Variants in PDS5B observed in about 807,000 individuals in gnomAD.
PDS5B encodes the protein sister chromatid cohesion protein PDS5 homolog B.
In PDS5B, 51 loss-of-function variants were observed where a neutral mutation model predicts 184.1. The observed-to-expected ratio is 0.28, with a 90% CI of 0.22 to 0.35. The LOEUF (loss-of-function observed/expected upper bound fraction) is 0.35, where lower values mean the gene tolerates loss of function less well. PDS5B is among the 10% of genes least tolerant of loss of function. The pLI, the probability that PDS5B is intolerant of heterozygous loss-of-function variation, is 1.00. For synonymous variants in PDS5B, 566 were observed against 569.2 expected, an observed-to-expected ratio of 0.99 and a Z score of 0.08; for missense variants, 1,180 against 1,723.3, an observed-to-expected ratio of 0.68 and a Z score of 5.58.
chr13:32,715,234 A>G (rs1243453831), intron 19 of PDS5B, among the ~76,000 whole-genome samples: 1 of 152,212 alleles, frequency 6.6e-6, no homozygotes, highest in Admixed American at 6.5e-5. Flanking sequence ...CAGTATAACT[A>G]AAGAATTTCC....
intron 1 of PDS5B, among the ~76,000 whole-genome samples, chr13:32,628,468 A>T (rs1318906412): frequency 6.6e-6 from 1 of 151,802 alleles, no homozygotes; most frequent in Admixed American, 6.6e-5. Context: ...GAATTGCTTG[A>T]ACCTGGGAGG....
intron 13 of PDS5B, among the ~76,000 whole-genome samples, 160 bp from the exon 14 acceptor site, chr13:32,694,063 T>C (rs566653982): frequency 2.0e-5 from 3 of 151,848 alleles, no homozygotes; most frequent in African/African-American, 7.2e-5. Flanking sequence ...TTTGATTCCA[T>C]TCTTTCCCTC....
intron 1 of PDS5B, among the ~76,000 whole-genome samples, chr13:32,638,716 G>A (rs2058606599): frequency 6.6e-6 from 1 of 152,038 alleles, no homozygotes; most frequent in South Asian, 2.1e-4. Context: ...AACTAATCAA[G>A]TAAAAGTCTT....
intron 1 of PDS5B, among the ~76,000 whole-genome samples, chr13:32,610,869 TACTCA>T (rs1273914022): frequency 1.3e-5 from 2 of 152,196 alleles, no homozygotes; most frequent in African/African-American, 4.8e-5. Flanking sequence ...ACTGGGTAGG[TACTCA>T]GTGTTATTCC....
intron 19 of PDS5B, among the ~76,000 whole-genome samples, chr13:32,712,619 T>C (rs1169405622): frequency 6.6e-6 from 1 of 152,228 alleles, no homozygotes; most frequent in Non-Finnish European, 1.5e-5. Context: ...CCCTTAAGAC[T>C]CTATTGAAAG....
At position 32,717,129 on chromosome 13, in the gene PDS5B, G is replaced by A. The variant is rs189902597; in HGVS notation, c.2123+7023G>A. Among the ~76,000 whole-genome samples the A allele has an allele frequency of 1.7e-4, 26 of 151,454 alleles. No individual in the cohort carries two copies. In the East Asian group the frequency reaches 3.6e-3, roughly 21 times the overall value. On this transcript the variant is annotated intron_variant, in intron 19 of 34. Coordinates refer to ENST00000315596, the MANE Select transcript of PDS5B (RefSeq NM_015032.4). ...CGGGAGGTGAGGGGCGCCTCTGCCC[G>A]GCCGCCCCTACTGGGAAGTGAGGAG... is the stretch of plus-strand genomic sequence containing the variant.
At position 32,735,183 on chromosome 13, in the gene PDS5B, G is replaced by A. The variant is rs751646556; in HGVS notation, c.2259G>A (p.Lys753=). Residue 753 remains lysine, a synonymous_variant, in exon 21 of 35, where the codon AAG becomes AAA. Coordinates refer to ENST00000315596, the MANE Select transcript of PDS5B (RefSeq NM_015032.4). ...QFAQIFEPLH[K]SLDPSNLEHL... is the part of the protein sequence containing the mutation. ...CCCCTCATTTTCAGCCTCTGCATAA[G>A]AGCCTAGATCCAAGCAACCTGGAAC... The A allele has an allele frequency of 2.8e-5, 44 of 1,586,354 alleles. No individual in the cohort carries two copies. The highest frequency in any genetic ancestry group is 3.0e-5 in the Non-Finnish European group (35 of 1,167,234).
At chr13:32,735,121 T>G in intron 20 of PDS5B, 51 bp from the exon 21 acceptor site, 1 of 1,101,826 alleles carries the variant, frequency 9.1e-7, no homozygotes, top group Non-Finnish European at 1.3e-6. Context: ...TGTAAACAGT[T>G]TATTTGTATA....
At chr13:32,724,590 T>A (rs765824798) in intron 19 of PDS5B, among the ~76,000 whole-genome samples, 1 of 151,718 alleles carries the variant, frequency 6.6e-6, no homozygotes. Context: ...TGTTGTTTGT[T>A]TTGATTTTTT....
chr13:32,679,629 T>A, intron 10 of PDS5B, among the ~76,000 whole-genome samples: 1 of 151,274 alleles, frequency 6.6e-6, no homozygotes. Context: ...AGAGCGAAAC[T>A]CTTTATCTCA....
chr13:32,702,220 C>T (rs1051927920), intron 17 of PDS5B, among the ~76,000 whole-genome samples: 3 of 152,098 alleles, frequency 2.0e-5, no homozygotes, highest in Admixed American at 6.6e-5. Context: ...AGGCATTGGG[C>T]GTAGCTTTTG....
At chr13:32,632,817 C>T (rs2058478544) in intron 1 of PDS5B, among the ~76,000 whole-genome samples, 1 of 152,102 alleles carries the variant, frequency 6.6e-6, no homozygotes, top group African/African-American at 2.4e-5. Context: ...ATAATTGAAG[C>T]TCTGGGCCAG....
rs73451450 is a variant in PDS5B at position 32,638,099 on chromosome 13, A to G, written c.-19-10655A>G. On this transcript the variant is annotated intron_variant, in intron 1 of 34. Coordinates refer to ENST00000315596, the MANE Select transcript of PDS5B (RefSeq NM_015032.4). ...GTTCATGATGACCATGGCTGGGACA[A>G]TGTGCCTCTGTGCATATACATTCTA... Among the ~76,000 whole-genome samples the G allele has an allele frequency of 6.0e-3, 914 of 152,292 alleles. 14 individuals are homozygous for G. The highest frequency in any genetic ancestry group is 0.02 in the African/African-American group (832 of 41,536).
intron 1 of PDS5B, among the ~76,000 whole-genome samples, chr13:32,589,426 T>A (rs1368061643): frequency 6.6e-6 from 1 of 152,218 alleles, no homozygotes; most frequent in African/African-American, 2.4e-5. Flanking sequence ...TGGTTTTTAA[T>A]AATTTCTGTT....
chr13:32,625,755 C>G (rs1489499544), intron 1 of PDS5B, among the ~76,000 whole-genome samples: 1 of 149,208 alleles, frequency 6.7e-6, no homozygotes, highest in Non-Finnish European at 1.5e-5. Flanking sequence ...TATTTATATA[C>G]TGGGTTGTGT....
intron 1 of PDS5B, among the ~76,000 whole-genome samples, chr13:32,610,666 T>C (rs753414181): frequency 6.6e-6 from 1 of 151,974 alleles, no homozygotes; most frequent in Non-Finnish European, 1.5e-5. Context: ...TTGAGAGATA[T>C]ATAGTGGTTA....
intron 1 of PDS5B, among the ~76,000 whole-genome samples, chr13:32,643,541 CAACTT>C (rs2140633579): frequency 6.6e-6 from 1 of 152,210 alleles, no homozygotes; most frequent in South Asian, 2.1e-4. Context: ...GCGTACCACA[CAACTT>C]TTCTGTCAGT....
chr13:32,714,818 T>A (rs1363027507), intron 19 of PDS5B, among the ~76,000 whole-genome samples: 1 of 152,204 alleles, frequency 6.6e-6, no homozygotes, highest in Non-Finnish European at 1.5e-5. Context: ...ATTTGTGTAG[T>A]TAACACAATT....
At chr13:32,607,064 C>T (rs1255900567) in intron 1 of PDS5B, among the ~76,000 whole-genome samples, 1 of 152,240 alleles carries the variant, frequency 6.6e-6, no homozygotes, top group East Asian at 1.9e-4. Flanking sequence ...CTCAACTTGT[C>T]ACAGTCATTC....
Sources: gnomAD v4.1 joint callset for allele counts (sites outside exome capture counted in the v4.1 genomes callset) on GRCh38, gnomAD v4.1.1 for gene constraint, MANE v1.5 for transcripts, NCBI Gene and HGNC (gene_info 2026-07-23, HGNC 2026-07-21) for gene names.